CEP112: variants seen among roughly 807,000 people sequenced by gnomAD.
CEP112 encodes the protein centrosomal protein of 112 kDa.
In CEP112, 127 loss-of-function variants were observed where a neutral mutation model predicts 153.0. That is an observed-to-expected ratio of 0.83 (90% confidence interval 0.72 to 0.96). The LOEUF is 0.96. CEP112 is among the 40% of genes least tolerant of loss of function. The pLI, the probability that CEP112 is intolerant of heterozygous loss-of-function variation, is 0.00. For synonymous variants in CEP112, 358 were observed against 374.4 expected, an observed-to-expected ratio of 0.96 and a Z score of 0.51; for missense variants, 1,089 against 1,101.2, an observed-to-expected ratio of 0.99 and a Z score of 0.16.
chr17:65,913,970 G>C (rs2060379089), intron 19 of CEP112: 1 of 639,470 alleles, frequency 1.6e-6, no homozygotes, highest in African/African-American at 2.0e-5. Context: ...TACTTTCTGT[G>C]GTTTTATCTG....
At chr17:66,101,468 C>G (rs1432997203) in intron 6 of CEP112, among the ~76,000 whole-genome samples, 1 of 152,034 alleles carries the variant, frequency 6.6e-6, no homozygotes, top group Non-Finnish European at 1.5e-5. Flanking sequence ...ATCAAGGAAC[C>G]TTCAGTCAAG....
intron 18 of CEP112, among the ~76,000 whole-genome samples, chr17:65,947,950 G>A (rs1396866524): frequency 6.6e-6 from 1 of 152,080 alleles, no homozygotes; most frequent in East Asian, 1.9e-4. Flanking sequence ...ATGAGACAAA[G>A]GTCCAAGTCA....
At chr17:66,047,425 A>AGATGT (rs2066258167) in intron 12 of CEP112, among the ~76,000 whole-genome samples, 1 of 152,212 alleles carries the variant, frequency 6.6e-6, no homozygotes, top group Non-Finnish European at 1.5e-5. Flanking sequence ...CCTGTTTTTA[A>AGATGT]TTAAAACACC....
intron 17 of CEP112, among the ~76,000 whole-genome samples, chr17:66,004,914 T>C (rs574801378): frequency 6.6e-6 from 1 of 152,322 alleles, no homozygotes; most frequent in Admixed American, 6.5e-5. Flanking sequence ...CTTAAATCAC[T>C]TTCTTGGGTC....
At chr17:65,936,206 T>G (rs533213018) in intron 18 of CEP112, among the ~76,000 whole-genome samples, 3 of 152,224 alleles carry the variant, frequency 2.0e-5, no homozygotes, top group Admixed American at 2.0e-4. Flanking sequence ...ATAGAACATC[T>G]GAACAGACCA....
chr17:65,862,564 G>T (rs2058345012), intron 20 of CEP112, among the ~76,000 whole-genome samples: 1 of 152,158 alleles, frequency 6.6e-6, no homozygotes, highest in Non-Finnish European at 1.5e-5. Flanking sequence ...TCCAGCCTGG[G>T]TGACACAGTG....
intron 23 of CEP112, among the ~76,000 whole-genome samples, chr17:65,692,426 A>G (rs1245373715): frequency 6.6e-6 from 1 of 151,918 alleles, no homozygotes; most frequent in African/African-American, 2.4e-5. Context: ...ACGAGGTTTC[A>G]CCATGTTAGC....
At chr17:65,996,134 G>A (rs1310922036) in intron 17 of CEP112, among the ~76,000 whole-genome samples, 3 of 6,212 alleles carry the variant, frequency 4.8e-4, no homozygotes, top group Non-Finnish European at 1.1e-3. Flanking sequence ...ATATACGTGT[G>A]TGTGTGTGTG....
intron 18 of CEP112, among the ~76,000 whole-genome samples, chr17:65,950,699 C>CTATTATTATTAT (rs57598697): frequency 6.5e-4 from 95 of 147,174 alleles, no homozygotes; most frequent in South Asian, 1.6e-3. Flanking sequence ...GGATACATTA[C>CTATTATTATTAT]TAGTAGTAGT....
chr17:65,670,196 G>A (rs546246945), intron 24 of CEP112, among the ~76,000 whole-genome samples: 7 of 149,370 alleles, frequency 4.7e-5, no homozygotes, highest in African/African-American at 1.7e-4. Context: ...TTTAACTGAT[G>A]CTTAAAAGAG....
chr17:66,007,644 C>T (rs1443302), intron 16 of CEP112, among the ~76,000 whole-genome samples: 62,478 of 151,844 alleles, frequency 0.41, 14,316 homozygotes, highest in East Asian at 0.87. Flanking sequence ...CATGTTTTTA[C>T]ATCAGTAAAA....
intron 8 of CEP112, among the ~76,000 whole-genome samples, chr17:66,072,453 C>T (rs1344747079): frequency 6.6e-6 from 1 of 152,148 alleles, no homozygotes; most frequent in Non-Finnish European, 1.5e-5. Flanking sequence ...TAATCTGGAA[C>T]AGCCTTTCTT....
intron 20 of CEP112, among the ~76,000 whole-genome samples, chr17:65,898,274 A>G (rs2059724797): frequency 6.6e-6 from 1 of 152,130 alleles, no homozygotes; most frequent in South Asian, 2.1e-4. Context: ...CCCTTCGAGT[A>G]ATCTTTAAAG....
At chr17:66,105,322 C>T (rs182291232) in intron 6 of CEP112, among the ~76,000 whole-genome samples, 2 of 152,034 alleles carry the variant, frequency 1.3e-5, no homozygotes, top group African/African-American at 2.4e-5. Flanking sequence ...AAACATACCA[C>T]GTGAGTAAAT....
intron 21 of CEP112, among the ~76,000 whole-genome samples, chr17:65,761,062 C>A (rs554576046): frequency 3.9e-5 from 6 of 151,970 alleles, no homozygotes; most frequent in Admixed American, 3.3e-4. Flanking sequence ...ATAATCCTTA[C>A]AATACTCGTG....
At chr17:65,895,854 T>A (rs1335458514) in intron 20 of CEP112, among the ~76,000 whole-genome samples, 2 of 152,112 alleles carry the variant, frequency 1.3e-5, no homozygotes, top group East Asian at 3.9e-4. Context: ...AGGCTTCATG[T>A]TGGCAGAACA....
chr17:66,025,062 T>G (rs942940451), intron 16 of CEP112, among the ~76,000 whole-genome samples: 5 of 152,146 alleles, frequency 3.3e-5, no homozygotes, highest in African/African-American at 1.2e-4. Context: ...CAATAAATGG[T>G]GCTCAGCAAA....
chr17:66,118,911 C>T (rs901065337), intron 6 of CEP112, among the ~76,000 whole-genome samples: 1 of 151,844 alleles, frequency 6.6e-6, no homozygotes, highest in Non-Finnish European at 1.5e-5. Flanking sequence ...ATCCCTAGTG[C>T]TTATTCACAA....
chr17:65,712,948 C>G (rs928626025), intron 23 of CEP112, among the ~76,000 whole-genome samples: 1 of 152,118 alleles, frequency 6.6e-6, no homozygotes, highest in Non-Finnish European at 1.5e-5. Flanking sequence ...AATGTTGGGT[C>G]AGGAAAGAGA....
Sources: allele counts gnomAD v4.1 joint callset (sites outside exome capture counted in the v4.1 genomes callset), GRCh38; gene constraint gnomAD v4.1.1; transcripts MANE v1.5; gene names NCBI Gene and HGNC (gene_info 2026-07-23, HGNC 2026-07-21).